Variants in RNF4 observed in about 807,000 individuals in gnomAD.
The protein encoded by RNF4 is ring finger protein 4, also known as E3 ubiquitin-protein ligase RNF4.
In RNF4, 7 loss-of-function variants were observed where a neutral mutation model predicts 24.3. The ratio of observed to expected loss-of-function variants is 0.29; its 90% CI spans 0.16 to 0.54. The LOEUF is 0.54. Ranked by LOEUF, RNF4 falls within the 20% of genes least tolerant of loss-of-function variation. The pLI is 0.95. For missense variants in RNF4, 209 were observed against 248.5 expected (o/e 0.84, Z 1.07); for synonymous variants, 83 against 84.3 (o/e 0.98, Z 0.09).
intron 2 of RNF4, among the ~76,000 whole-genome samples, chr4:2,494,979 G>A (rs982419610): frequency 1.9e-4 from 29 of 152,330 alleles, no homozygotes; most frequent in African/African-American, 6.7e-4. Context: ...ATTAGATGGG[G>A]AGGAAAGTCT....
chr4:2,481,569 T>G (rs1039580161), intron 1 of RNF4, among the ~76,000 whole-genome samples: 3 of 152,180 alleles, frequency 2.0e-5, no homozygotes, highest in African/African-American at 7.2e-5. Context: ...ATTCTTAGCA[T>G]TACCTTGTGG....
chr4:2,506,511 CTTTT>C (rs895879966), intron 4 of RNF4, among the ~76,000 whole-genome samples: 23 of 145,960 alleles, frequency 1.6e-4, no homozygotes, highest in African/African-American at 5.5e-4. Flanking sequence ...AGCAAATAAT[CTTTT>C]TTTTTTTTCC....
At chr4:2,481,566 G>A (rs142829484) in intron 1 of RNF4, among the ~76,000 whole-genome samples, 10 of 152,218 alleles carry the variant, frequency 6.6e-5, no homozygotes, top group African/African-American at 2.4e-4. Context: ...GTGATTCTTA[G>A]CATTACCTTG....
chr4:2,489,941 A>G (rs1208308337), intron 1 of RNF4: 1 of 152,962 alleles, frequency 6.5e-6, no homozygotes, highest in Non-Finnish European at 1.5e-5. Flanking sequence ...CCGGACGGCG[A>G]CAGTGAAATT....
intron 2 of RNF4, among the ~76,000 whole-genome samples, chr4:2,496,786 A>G (rs1326423409): frequency 6.6e-6 from 1 of 152,130 alleles, no homozygotes; most frequent in East Asian, 1.9e-4. Context: ...ATAAAACAGA[A>G]GTTTTACTTT....
intron 3 of RNF4, 112 bp from the exon 4 acceptor site, chr4:2,500,547 T>G: frequency 5.1e-6 from 5 of 988,260 alleles, no homozygotes; most frequent in Non-Finnish European, 5.9e-6. Context: ...TACTTCAGGA[T>G]TGTTTTAGTT....
intron 2 of RNF4, among the ~76,000 whole-genome samples, chr4:2,496,548 C>G (rs983334217): frequency 1.3e-5 from 2 of 152,080 alleles, no homozygotes; most frequent in Non-Finnish European, 2.9e-5. Context: ...GCAACCTCTG[C>G]CTCCCAGGTT....
chr4:2,503,537 A>G lies in RNF4; in HGVS notation c.204+2799A>G, dbSNP rs532255399. Among the ~76,000 whole-genome samples, 3 of 152,344 alleles carry G rather than the reference A, an allele frequency of 2.0e-5. No homozygotes were observed. The East Asian group carries it at 5.8e-4, about 29-fold the overall frequency. ...ACTGTCCTCAGTGTTGTCAGCCACA[A>G]AATAACTGCTTTGGACTTGATAGCT... On this transcript the variant is annotated intron_variant, in intron 4 of 7. Transcript: ENST00000314289.
At chr4:2,478,408 G>C (rs1030832722) in intron 1 of RNF4, among the ~76,000 whole-genome samples, 14 of 152,200 alleles carry the variant, frequency 9.2e-5, no homozygotes, top group Admixed American at 2.6e-4. Flanking sequence ...AATGTCTCCA[G>C]GGCATGTCAC....
chr4:2,501,989 G>A (rs1420552351), intron 4 of RNF4, among the ~76,000 whole-genome samples: 1 of 152,130 alleles, frequency 6.6e-6, no homozygotes, highest in East Asian at 1.9e-4. Flanking sequence ...CCCTGCTTAG[G>A]TCTCATTAAC....
intron 1 of RNF4, among the ~76,000 whole-genome samples, chr4:2,476,283 ATG>A (rs1468232420): frequency 6.6e-6 from 1 of 152,112 alleles, no homozygotes; most frequent in African/African-American, 2.4e-5. Flanking sequence ...TACCTTCTTG[ATG>A]TCTTCCAGTG....
At chr4:2,480,337 A>G (rs1006081481) in intron 1 of RNF4, 2 of 150,108 alleles carry the variant, frequency 1.3e-5, no homozygotes, top group African/African-American at 4.9e-5. Context: ...CAATGGCGCA[A>G]TCTTGGCTCA....
At chr4:2,497,959 G>C (rs1198242771) in intron 3 of RNF4, among the ~76,000 whole-genome samples, 3 of 152,110 alleles carry the variant, frequency 2.0e-5, no homozygotes, top group African/African-American at 7.2e-5. Context: ...TTAAACAGAA[G>C]AAACTTAGTG....
intron 2 of RNF4, among the ~76,000 whole-genome samples, chr4:2,492,758 C>CA (rs1274737163): frequency 6.6e-6 from 1 of 152,100 alleles, no homozygotes; most frequent in Non-Finnish European, 1.5e-5. Flanking sequence ...TGGTGATACA[C>CA]AAAAAAGCCC....
intron 4 of RNF4, among the ~76,000 whole-genome samples, chr4:2,510,970 G>T (rs1578527300): frequency 6.6e-6 from 1 of 152,206 alleles, no homozygotes; most frequent in East Asian, 1.9e-4. Flanking sequence ...ACACGCATTG[G>T]TCATGCATAG....
chr4:2,482,313 A>C (rs1735267715), intron 1 of RNF4, among the ~76,000 whole-genome samples: 1 of 152,318 alleles, frequency 6.6e-6, no homozygotes, highest in East Asian at 1.9e-4. Context: ...AATACAGTAG[A>C]GGCAGCTAAG....
intron 1 of RNF4, among the ~76,000 whole-genome samples, chr4:2,482,750 C>A (rs1012840239): frequency 1.3e-5 from 2 of 152,220 alleles, no homozygotes; most frequent in Non-Finnish European, 2.9e-5. Flanking sequence ...CTGCTTTCTG[C>A]TTTGATCAAA....
intron 2 of RNF4, among the ~76,000 whole-genome samples, chr4:2,495,228 C>T (rs577816563): frequency 6.6e-6 from 1 of 152,310 alleles, no homozygotes; most frequent in Non-Finnish European, 1.5e-5. Context: ...TCCAAAACAT[C>T]TCAAGCTGCC....
chr4:2,476,439 G>C (rs781286476), intron 1 of RNF4, among the ~76,000 whole-genome samples: 9 of 152,160 alleles, frequency 5.9e-5, no homozygotes, highest in Non-Finnish European at 4.4e-5. Context: ...CTGTCACCCA[G>C]GCTGGAGTAC....
Sources: gnomAD v4.1 joint callset for allele counts (sites outside exome capture counted in the v4.1 genomes callset) on GRCh38, gnomAD v4.1.1 for gene constraint, MANE v1.5 for transcripts, NCBI Gene and HGNC (gene_info 2026-07-23, HGNC 2026-07-21) for gene names.